Variants in CASR observed in about 807,000 individuals in gnomAD.
The protein encoded by CASR is calcium sensing receptor.
A neutral mutation model predicts 69.1 loss-of-function variants in CASR; 23 were observed. That is an observed-to-expected ratio of 0.33 (90% CI 0.24 to 0.47). The LOEUF is 0.47. Among genes scored for constraint, CASR ranks in the 20% least tolerant of loss-of-function variants. CASR has a pLI of 1.00. For missense variants in CASR, 924 were observed against 1,356.1 expected (o/e 0.68, Z 5.00); for synonymous variants, 541 against 544.7 (o/e 0.99, Z 0.10).
chr3:122,201,955 G>A (rs1196353691), intron 1 of CASR, among the ~76,000 whole-genome samples: 1 of 151,840 alleles, frequency 6.6e-6, no homozygotes, highest in Non-Finnish European at 1.5e-5. Context: ...AGGCAGAGGG[G>A]CTCCTCACAT....
chr3:122,207,770 T>C (rs991622230), intron 1 of CASR, among the ~76,000 whole-genome samples: 1 of 152,174 alleles, frequency 6.6e-6, no homozygotes, highest in Non-Finnish European at 1.5e-5. Context: ...TACTTTTCGT[T>C]ACTGTTGTAA....
At chr3:122,273,496 C>T (rs1182194629) in intron 4 of CASR, among the ~76,000 whole-genome samples, 2 of 152,172 alleles carry the variant, frequency 1.3e-5, no homozygotes, top group Non-Finnish European at 2.9e-5. Flanking sequence ...TCACTTTTCT[C>T]ATCTCCTTTT....
rs2107653908 is a variant in CASR, at chr3:122,287,828, C to G, written c.*2637C>G. On this transcript the variant is annotated 3_prime_UTR_variant, in exon 7 of 7. Coordinates refer to ENST00000639785, the MANE Select transcript of CASR (RefSeq NM_000388.4). ...GCTCATCCCTGAGGCCCAGAAATCA[C>G]TGGCAGCCTCACTTTCATGTCTACT... 6.6e-6 allele frequency: 1 copy of G among 152,432 alleles called. No homozygotes were observed. The highest frequency in any genetic ancestry group is 1.9e-4 in the East Asian group (1 of 5,194). The allele number at this position is 152,432 out of a possible 1,614,324, so 9.4% of individuals were successfully genotyped here.
intron 5 of CASR, among the ~76,000 whole-genome samples, chr3:122,276,399 A>G (rs2074821396): frequency 6.6e-6 from 1 of 152,214 alleles, no homozygotes; most frequent in South Asian, 2.1e-4. Flanking sequence ...CAGCTCGGCC[A>G]AGGGCAGGGG....
Position 122,257,267 on chromosome 3 carries a change from C to A in CASR, c.372C>A (p.Asn124Lys), listed in dbSNP as rs757571398. 1.2e-6 allele frequency: 2 copies of A among 1,614,120 alleles called. No homozygotes were observed. Among genetic ancestry groups the A allele is most frequent in the Non-Finnish European group, 1.7e-6 (2 of 1,179,986 alleles). Residue 124 changes from asparagine to lysine, a missense_variant, in exon 3 of 7, where the codon AAC (asparagine) becomes AAA (lysine). By Grantham distance (94) the Asn-to-Lys change is moderately conservative. This residue lies in a region of CASR where 141 missense variants were observed against 283.0 expected (regional missense o/e 0.50). Coordinates refer to ENST00000639785, the MANE Select transcript of CASR (RefSeq NM_000388.4). ...FVAQNKIDSLNLDEFCNCSEH... is the reference protein window; with the variant it reads ...FVAQNKIDSLKLDEFCNCSEH... ...CTCAAAACAAAATTGATTCTTTGAA[C>A]CTTGATGAGTTCTGCAACTGCTCAG...
At chr3:122,273,001 T>G (rs1197089229) in intron 4 of CASR, among the ~76,000 whole-genome samples, 1 of 152,210 alleles carries the variant, frequency 6.6e-6, no homozygotes, top group Non-Finnish European at 1.5e-5. Flanking sequence ...GAAAGGATCT[T>G]GTGCAGTTCC....
rs143869102 is a variant in CASR, at chr3:122,245,181, C to G, written c.-242-8767C>G. ...AGATTACTTACAATATCTAATATAACGTGAATGCTCCATAAATACTTGTTA... is the reference window on the plus strand; with the variant it reads ...AGATTACTTACAATATCTAATATAAGGTGAATGCTCCATAAATACTTGTTA... On this transcript the variant is annotated intron_variant, in intron 1 of 6. Transcript: ENST00000639785. Among the ~76,000 whole-genome samples the G allele has an allele frequency of 7.9e-5, 12 of 152,206 alleles. No individual in the cohort carries two copies. In the East Asian group the frequency reaches 2.3e-3, roughly 29 times the overall value.
chr3:122,219,428 C>T (rs1403603315), intron 1 of CASR, among the ~76,000 whole-genome samples: 2 of 152,192 alleles, frequency 1.3e-5, no homozygotes, highest in Non-Finnish European at 2.9e-5. Flanking sequence ...TATGATTCAT[C>T]TCACCAGACC....
At chr3:122,270,518 G>C (rs2074746416) in intron 4 of CASR, among the ~76,000 whole-genome samples, 2 of 151,852 alleles carry the variant, frequency 1.3e-5, no homozygotes, top group African/African-American at 2.4e-5. Context: ...TCTGATCTTT[G>C]TCATCTCCTG....
At chr3:122,196,604 C>T (rs1314330278) in intron 1 of CASR, among the ~76,000 whole-genome samples, 3 of 151,980 alleles carry the variant, frequency 2.0e-5, no homozygotes, top group African/African-American at 7.3e-5. Flanking sequence ...GTGGTGAAAT[C>T]ACAGCTCACT....
intron 1 of CASR, among the ~76,000 whole-genome samples, chr3:122,250,598 A>G (rs528977540): frequency 1.3e-5 from 2 of 152,328 alleles, no homozygotes; most frequent in East Asian, 3.9e-4. Flanking sequence ...CTATTTCCCT[A>G]TCTAGAAAGT....
rs1023083958 is a variant in CASR, at chr3:122,287,418, C to A, written c.*2227C>A. On this transcript the variant is annotated 3_prime_UTR_variant, in exon 7 of 7. Transcript: ENST00000639785. Reference sequence around the variant, plus strand: ...CAAAATCAGGGGTGTGAAATATGAACTTGCATTGTTTTTCTACAACAACTT... The same window carrying A: ...CAAAATCAGGGGTGTGAAATATGAAATTGCATTGTTTTTCTACAACAACTT... 2 of 152,234 alleles carry A rather than the reference C, an allele frequency of 1.3e-5. No homozygotes were observed. Among genetic ancestry groups the A allele is most frequent in the East Asian group, 3.8e-4 (2 of 5,200 alleles). The allele number at this position is 152,234 out of a possible 1,614,324, so 9.4% of individuals were successfully genotyped here.
In CASR at chr3:122,254,320, T is replaced by A. The variant is rs2074530498; in HGVS notation, c.131T>A (p.Val44Glu). 1.9e-6 allele frequency: 3 copies of A among 1,614,008 alleles called. No individual in the cohort carries two copies. The highest frequency in any genetic ancestry group is 3.3e-5 in the Admixed American group (2 of 60,008). The change falls in exon 2 of 7, where the codon GTA becomes GAA. Residue 44 changes from valine to glutamate, a missense_variant. Physicochemically the swap from Val to Glu is moderately radical, Grantham distance 121 (BLOSUM62 -2). Coordinates refer to ENST00000639785, the MANE Select transcript of CASR (RefSeq NM_000388.4). The stretch of plus-strand genomic sequence containing the variant: ...GGGCTCTTTCCTATTCATTTTGGAG[T>A]AGCAGCTAAAGATCAAGATCTCAAA... ...LGGLFPIHFGVAAKDQDLKSR... is the reference protein window; with the variant it reads ...LGGLFPIHFGEAAKDQDLKSR...
intron 5 of CASR, among the ~76,000 whole-genome samples, chr3:122,281,522 C>G (rs554999319): frequency 4.1e-4 from 63 of 152,202 alleles, no homozygotes; most frequent in African/African-American, 1.5e-3. Context: ...TTTTGTTACC[C>G]TTTTTCAAGT....
intron 1 of CASR, among the ~76,000 whole-genome samples, chr3:122,197,556 TCTC>T (rs1459766886): frequency 6.6e-6 from 1 of 152,192 alleles, no homozygotes; most frequent in Non-Finnish European, 1.5e-5. Context: ...CAACATTCTG[TCTC>T]CTCAGTTTCT....
intron 5 of CASR, among the ~76,000 whole-genome samples, chr3:122,279,541 C>T (rs966636810): frequency 7.2e-5 from 11 of 152,066 alleles, no homozygotes; most frequent in African/African-American, 1.2e-4. Context: ...TGTACAGGAA[C>T]GTAATGATAG....
chr3:122,263,825 G>A (rs147541216), intron 4 of CASR, among the ~76,000 whole-genome samples: 177 of 152,268 alleles, frequency 1.2e-3, no homozygotes, highest in African/African-American at 4.0e-3. Context: ...ATAAAGGTCA[G>A]GCACTCTAAA....
intron 1 of CASR, among the ~76,000 whole-genome samples, chr3:122,224,700 T>G (rs2074205612): frequency 6.6e-6 from 1 of 152,114 alleles, no homozygotes; most frequent in South Asian, 2.1e-4. Flanking sequence ...TATTCTAAAA[T>G]TCACGTAGAA....
In CASR at chr3:122,261,601, A is replaced by C; in HGVS notation, c.566A>C (p.Asn189Thr). ...AAGTCTTTCCTCCGAACCATCCCCA[A>C]TGATGAGCACCAGGCCACTGCCATG... is the stretch of plus-strand genomic sequence containing the variant. The part of the protein sequence containing the change: ...QFKSFLRTIP[N>T]DEHQATAMAD... Residue 189 changes from asparagine to threonine, a missense_variant, in exon 4 of 7, where the codon AAT becomes ACT. By Grantham distance (65) the Asn-to-Thr change is moderately conservative. Around this residue, in one of 8 missense-constraint regions of CASR, gnomAD observed 141 missense variants for 283.0 expected, o/e 0.50. Transcript: ENST00000639785. The C allele has an allele frequency of 1.2e-6, 2 of 1,614,212 alleles. No homozygotes were observed. The highest frequency in any genetic ancestry group is 1.1e-5 in the South Asian group (1 of 91,084).
Sources: gnomAD v4.1 joint callset for allele counts (sites outside exome capture counted in the v4.1 genomes callset) on GRCh38, gnomAD v4.1.1 for gene constraint, gnomAD v4.1.1 regional missense constraint, MANE v1.5 for transcripts, NCBI Gene and HGNC (gene_info 2026-07-23, HGNC 2026-07-21) for gene names.